DEFB124: variants seen among roughly 807,000 people sequenced by gnomAD.
DEFB124 encodes beta-defensin 124.
For synonymous variants in DEFB124, 38 were observed against 36.5 expected, an observed-to-expected ratio of 1.04 and a Z score of -0.15; for missense variants, 78 against 83.1, an observed-to-expected ratio of 0.94 and a Z score of 0.24.
chr20:31,474,115 A>G (rs1396969698), intron 1 of DEFB124, among the ~76,000 whole-genome samples: 3 of 152,250 alleles, frequency 2.0e-5, no homozygotes, highest in Non-Finnish European at 4.4e-5. Context: ...AGACTTTTGT[A>G]TTATAGACAA....
intron 2 of DEFB124, among the ~76,000 whole-genome samples, chr20:31,471,255 G>A (rs1980283532): frequency 1.5e-5 from 2 of 136,092 alleles, no homozygotes; most frequent in East Asian, 4.7e-4. Context: ...CCCAGTAGGG[G>A]CGGCTGGGCA....
intron 2 of DEFB124, among the ~76,000 whole-genome samples, chr20:31,470,402 C>T (rs1194636730): frequency 1.1e-4 from 15 of 134,582 alleles, no homozygotes; most frequent in Non-Finnish European, 1.1e-4. Flanking sequence ...ACCTCCCTCC[C>T]GGACGGGGCG....
At position 31,465,658 on chromosome 20, in the gene DEFB124, T is replaced by C; in HGVS notation, c.64A>G (p.Ser22Gly). 6.2e-7 allele frequency: 1 copy of C among 1,613,584 alleles called. No individual in the cohort carries two copies. Among genetic ancestry groups the C allele is most frequent in the Non-Finnish European group, 8.5e-7 (1 of 1,179,998 alleles). ...LVLGHVPSGRSEFKRCWKGQG... is the reference protein window; with the variant it reads ...LVLGHVPSGRGEFKRCWKGQG... ...CCCTTCCAGCACCGTTTGAATTCAC[T>C]TCTCCCTAAACAGAGGAAAACCACA... Residue 22 changes from serine (S) to glycine (G), a missense_variant, in exon 3 of 3, where the codon AGT (serine) becomes GGT (glycine). Transcript: ENST00000317676.
intron 2 of DEFB124, 39 bp downstream of exon 2, chr20:31,472,917 G>GTGCACA: frequency 6.6e-7 from 1 of 1,524,060 alleles, no homozygotes; most frequent in African/African-American, 1.4e-5. Flanking sequence ...GCACACATGT[G>GTGCACA]CACACACACA....
chr20:31,473,380 C>T (rs1980388259), intron 1 of DEFB124, among the ~76,000 whole-genome samples: 1 of 152,154 alleles, frequency 6.6e-6, no homozygotes, highest in Non-Finnish European at 1.5e-5. Flanking sequence ...TGCTGTGAGA[C>T]ATCAGACAAG....
chr20:31,470,956 T>G (rs1330385387), intron 2 of DEFB124, among the ~76,000 whole-genome samples: 1 of 127,720 alleles, frequency 7.8e-6, no homozygotes, highest in Admixed American at 7.8e-5. Flanking sequence ...TAGGGGCGGC[T>G]GGGCAGAAGC....
In DEFB124 at chr20:31,465,494, A is replaced by G; in HGVS notation, c.*12T>C. 1.2e-6 allele frequency: 2 copies of G among 1,613,760 alleles called. 1 individual carries two copies. Among genetic ancestry groups the G allele is most frequent in the South Asian group, 2.2e-5 (2 of 91,026 alleles). On this transcript the variant is annotated 3_prime_UTR_variant, in exon 3 of 3. Coordinates refer to ENST00000317676, the MANE Select transcript of DEFB124 (RefSeq NM_001037500.2). Reference sequence around the variant, plus strand: ...ACTGGCAACCTGTGTTTTATTGGACAGCAGGAACCAGCTACTCATATTCAT... The same window carrying G: ...ACTGGCAACCTGTGTTTTATTGGACGGCAGGAACCAGCTACTCATATTCAT...
chr20:31,473,482 A>G (rs1980390877), intron 1 of DEFB124, among the ~76,000 whole-genome samples: 1 of 152,112 alleles, frequency 6.6e-6, no homozygotes, highest in Admixed American at 6.5e-5. Flanking sequence ...ATGCAGGCCT[A>G]CTCTAAAATG....
intron 2 of DEFB124, 155 bp downstream of exon 2, chr20:31,472,801 A>G: frequency 1.3e-6 from 1 of 786,242 alleles, no homozygotes; most frequent in Non-Finnish European, 1.9e-6. Context: ...TGATTTAGCA[A>G]CTTGCTCTAA....
Position 31,470,765 on chromosome 20 carries a change from C to T in DEFB124, c.58+2191G>A, listed in dbSNP as rs1198972613. On this transcript the variant is annotated intron_variant, in intron 2 of 2. Transcript: ENST00000317676. ...GGCCAGGCAGAGGGGCTCCTCACTT[C>T]CCAGTAGGGGCGGCTGGGCAGAGGC... Among the ~76,000 whole-genome samples, 400 of 130,188 alleles carry T rather than the reference C, an allele frequency of 3.1e-3. 2 individuals are homozygous for T. Among genetic ancestry groups the T allele is most frequent in the Middle Eastern group, 0.014 (2 of 140 alleles). 85.4% of individuals were successfully genotyped at this position (130,188 alleles called of 152,430 possible). A position where few individuals can be genotyped will look rare whatever the true frequency, so the allele number is the denominator to read the frequency against.
chr20:31,470,551 G>A (rs1158117843), intron 2 of DEFB124, among the ~76,000 whole-genome samples: 1 of 135,634 alleles, frequency 7.4e-6, no homozygotes, highest in East Asian at 2.3e-4. Context: ...CTGGCCGGGC[G>A]GGGGGCTGAC....
Position 31,473,054 on chromosome 20 carries a change from G to C in DEFB124, c.-25-16C>G, listed in dbSNP as rs1980378828. ...GGGGAGGCTGCTGGAGAGAGCACAA[G>C]AGGAAAGACCCGAGCAGGCTGAGCC... On this transcript the variant is annotated splice_polypyrimidine_tract_variant and intron_variant, in intron 1 of 2. Transcript: ENST00000317676. The C allele has an allele frequency of 1.2e-6, 2 of 1,609,614 alleles. No homozygotes were observed. Among genetic ancestry groups the C allele is most frequent in the African/African-American group, 2.7e-5 (2 of 74,758 alleles).
At chr20:31,471,641 T>A in intron 2 of DEFB124, among the ~76,000 whole-genome samples, 1 of 104,362 alleles carries the variant, frequency 9.6e-6, no homozygotes, top group Admixed American at 9.1e-5. Context: ...TCCTCACTTC[T>A]CAGACGGGGC....
intron 1 of DEFB124, among the ~76,000 whole-genome samples, chr20:31,474,342 C>T (rs1025529687): frequency 2.0e-5 from 3 of 152,176 alleles, no homozygotes; most frequent in Non-Finnish European, 4.4e-5. Context: ...GGCCAAGCCA[C>T]GGAAGGAAGC....
At chr20:31,470,067 C>T (rs1164044536) in intron 2 of DEFB124, among the ~76,000 whole-genome samples, 1 of 131,950 alleles carries the variant, frequency 7.6e-6, no homozygotes, top group Non-Finnish European at 1.6e-5. Context: ...GGCGGCTGGA[C>T]GGGCAGGGGG....
chr20:31,470,794 C>A (rs1253280592), intron 2 of DEFB124, among the ~76,000 whole-genome samples: 1 of 126,320 alleles, frequency 7.9e-6, no homozygotes, highest in Non-Finnish European at 1.7e-5. Flanking sequence ...CAGAGGCGCC[C>A]CTCACCTCCC....
intron 2 of DEFB124, among the ~76,000 whole-genome samples, chr20:31,470,128 C>T (rs1330943163): frequency 5.4e-5 from 7 of 129,678 alleles, no homozygotes; most frequent in Non-Finnish European, 8.1e-5. Flanking sequence ...GGCAGCGGGG[C>T]GCCTCACTTC....
At chr20:31,471,562 C>T (rs1197738499) in intron 2 of DEFB124, among the ~76,000 whole-genome samples, 51 of 148,932 alleles carry the variant, frequency 3.4e-4, no homozygotes, top group African/African-American at 1.2e-3. Context: ...ACCTCCCTCC[C>T]GGACGGGGCG....
chr20:31,471,800 C>T (rs1206284094), intron 2 of DEFB124, among the ~76,000 whole-genome samples: 81 of 129,076 alleles, frequency 6.3e-4, no homozygotes, highest in African/African-American at 2.4e-3. Flanking sequence ...ACATCTCAGA[C>T]GATGGGCGGC....
Sources: gnomAD v4.1 joint callset for allele counts (sites outside exome capture counted in the v4.1 genomes callset) on GRCh38, gnomAD v4.1.1 for gene constraint, MANE v1.5 for transcripts, NCBI Gene and HGNC (gene_info 2026-07-23, HGNC 2026-07-21) for gene names.